The following ENG variants were observed in gnomAD, a reference collection of about 807,000 sequenced individuals.
ENG encodes the protein endoglin.
ENG carries 17 observed loss-of-function variants against 71.0 expected under a neutral mutation model. That is an observed-to-expected ratio of 0.24 (90% CI 0.16 to 0.36). The LOEUF is 0.36. Ranked by LOEUF, ENG falls within the 10% of genes least tolerant of loss-of-function variation. ENG has a pLI of 1.00. For missense variants in ENG, 749 were observed against 868.3 expected (o/e 0.86, Z 1.73); for synonymous variants, 360 against 366.9 (o/e 0.98, Z 0.21).
chr9:127,820,834 A>T, intron 8 of ENG, among the ~76,000 whole-genome samples: 1 of 151,226 alleles, frequency 6.6e-6, no homozygotes, highest in Non-Finnish European at 1.5e-5. Flanking sequence ...GTCTCAAAAA[A>T]AAAAAATATA....
intron 2 of ENG, among the ~76,000 whole-genome samples, chr9:127,835,735 T>TG (rs1346294607): frequency 6.6e-6 from 1 of 151,986 alleles, no homozygotes. Flanking sequence ...AGGACAGGGT[T>TG]GGGAACCAGT....
At chr9:127,840,609 G>A (rs1055632281) in intron 2 of ENG, among the ~76,000 whole-genome samples, 1 of 152,198 alleles carries the variant, frequency 6.6e-6, no homozygotes, top group African/African-American at 2.4e-5. Context: ...GAGCTCCTGA[G>A]TCCGAGAAAG....
rs1361562685 is a variant in ENG at position 127,817,731 on chromosome 9, T to G, written c.1686+389A>C. The G allele has an allele frequency of 1.6e-5, 6 of 385,420 alleles. No individual in the cohort carries two copies. The East Asian group carries it at 3.6e-4, about 23-fold the overall frequency. The allele number at this position is 385,420 out of a possible 1,614,324, so 23.9% of individuals were successfully genotyped here. ...GCAAATACAGAAAGCCAGGAGTGTGTGTCCTTTGTCCGCCTCTCTTCCCTC... is the reference window on the plus strand; with the variant it reads ...GCAAATACAGAAAGCCAGGAGTGTGGGTCCTTTGTCCGCCTCTCTTCCCTC... On this transcript the variant is annotated intron_variant, in intron 12 of 14. Transcript: ENST00000373203.
chr9:127,818,755 G>A lies in ENG; in HGVS notation c.1389C>T (p.Ala463=), dbSNP rs200168633. 6.3e-5 allele frequency: 101 copies of A among 1,613,970 alleles called. No individual in the cohort carries two copies. Among genetic ancestry groups the A allele is most frequent in the Non-Finnish European group, 8.0e-5 (94 of 1,180,018 alleles). The change falls in exon 11 of 15, where the codon GCC becomes GCT. Residue 463 remains alanine (A), a synonymous_variant. Coordinates refer to ENST00000373203, the MANE Select transcript of ENG (RefSeq NM_001114753.3). ...GLYLSPHFLQ[A]SNTIEPGQQS... ...GCTGCCCCGGCTCGATGGTGTTGGA[G>A]GCCTGGAGGAAGTGTGGGCTGAGGT... is the stretch of plus-strand genomic sequence containing the variant.
chr9:127,850,259 T>C (rs1356984971), intron 1 of ENG, among the ~76,000 whole-genome samples: 1 of 152,224 alleles, frequency 6.6e-6, no homozygotes, highest in Non-Finnish European at 1.5e-5. Flanking sequence ...GTCCCAAGCC[T>C]CAATTTTCTC....
In ENG at chr9:127,824,462, G is replaced by T. The variant is rs1830552664; in HGVS notation, c.992-16C>A. 6.2e-7 allele frequency: 1 copy of T among 1,613,338 alleles called. No individual in the cohort carries two copies. Among genetic ancestry groups the T allele is most frequent in the Non-Finnish European group, 8.5e-7 (1 of 1,179,774 alleles). The stretch of plus-strand genomic sequence containing the variant: ...AGCCTACCACCTGTGGGGTAGCAGA[G>T]GCAGGCCAGGCGGCTGGTCACTGTG... On this transcript the variant is annotated splice_polypyrimidine_tract_variant and intron_variant, in intron 7 of 14. Transcript: ENST00000373203.
At chr9:127,834,385 G>A (rs1401119773) in intron 2 of ENG, among the ~76,000 whole-genome samples, 2 of 150,370 alleles carry the variant, frequency 1.3e-5, no homozygotes, top group Admixed American at 6.7e-5. Flanking sequence ...CTACAGGTGT[G>A]CGCCACCATG....
rs1449770420 is a variant in ENG at position 127,815,959 on chromosome 9, G to A, written c.1836C>T (p.Tyr612=). ...IGALLTAALW[Y]IYSHTRSPSK... ...GGTACTCACGCGTGTGCGAGTAGAT[G>A]TACCAGAGTGCAGCAGTGAGCAGGG... Residue 612 remains tyrosine, a synonymous_variant, in exon 14 of 15, where the codon TAC becomes TAT. Transcript: ENST00000373203. The A allele has an allele frequency of 8.1e-6, 13 of 1,602,736 alleles. No homozygotes were observed. Among genetic ancestry groups the A allele is most frequent in the African/African-American group, 8.0e-5 (6 of 74,864 alleles).
At chr9:127,839,563 GTT>G (rs1644431516) in intron 2 of ENG, among the ~76,000 whole-genome samples, 1 of 152,028 alleles carries the variant, frequency 6.6e-6, no homozygotes, top group African/African-American at 2.4e-5. Flanking sequence ...TTTTGTTGTT[GTT>G]TTGTTTTTGA....
At chr9:127,823,127 A>G (rs192212760) in intron 8 of ENG, among the ~76,000 whole-genome samples, 2 of 151,738 alleles carry the variant, frequency 1.3e-5, no homozygotes, top group East Asian at 3.9e-4. Flanking sequence ...GGTGTGAGCC[A>G]CTGTGCCTGG....
intron 3 of ENG, 65 bp from the exon 4 acceptor site, chr9:127,826,737 G>A: frequency 6.9e-6 from 11 of 1,594,840 alleles, no homozygotes; most frequent in Non-Finnish European, 9.4e-6. Flanking sequence ...TCCCATGTAG[G>A]AGGTCAGGAA....
At chr9:127,827,020 A>AG (rs1830634704) in intron 3 of ENG, 1 of 321,444 alleles carries the variant, frequency 3.1e-6, no homozygotes, top group South Asian at 3.1e-5. Flanking sequence ...CTACACTGTG[A>AG]GGGTCTACAG....
intron 12 of ENG, among the ~76,000 whole-genome samples, chr9:127,817,561 G>T (rs1830356514): frequency 6.6e-6 from 1 of 152,164 alleles, no homozygotes. Context: ...ACTTAGGGGA[G>T]TTGAAGGCTT....
intron 1 of ENG, among the ~76,000 whole-genome samples, chr9:127,847,761 C>T (rs1831202362): frequency 6.6e-6 from 1 of 152,160 alleles, no homozygotes; most frequent in Non-Finnish European, 1.5e-5. Flanking sequence ...CCTGCCCCGT[C>T]TTGTTCAGTA....
At chr9:127,825,195 T>A in intron 6 of ENG, 36 bp downstream of exon 6, 2 of 1,612,622 alleles carry the variant, frequency 1.2e-6, no homozygotes, top group Non-Finnish European at 1.7e-6. Context: ...GGTTGGGAGT[T>A]TGGGTTTTGT....
chr9:127,819,565 C>T, intron 10 of ENG, 57 bp downstream of exon 10: 8 of 1,610,380 alleles, frequency 5.0e-6, no homozygotes, highest in Non-Finnish European at 6.8e-6. Flanking sequence ...AGGAAGAGGC[C>T]CCGGCCCAGC....
At chr9:127,842,282 A>T (rs889733799) in intron 2 of ENG, among the ~76,000 whole-genome samples, 1 of 147,376 alleles carries the variant, frequency 6.8e-6, no homozygotes, top group African/African-American at 2.5e-5. Flanking sequence ...GCTGGAGTGC[A>T]GTGGTGCAAT....
At chr9:127,830,946 T>A (rs989221138) in intron 2 of ENG, among the ~76,000 whole-genome samples, 1 of 152,210 alleles carries the variant, frequency 6.6e-6, no homozygotes, top group East Asian at 1.9e-4. Flanking sequence ...TATTTTGATA[T>A]AAGAATGTGA....
Position 127,825,856 on chromosome 9 carries a change from C to A in ENG, c.528G>T (p.Gln176His). ...QSILLRLGQA[Q>H]GSLSFCMLEA... ...CCAGCATGCAGAAGGACAGTGACCC[C>A]TGGGCTGCAGAGACACGCGCACCTC... is the stretch of plus-strand genomic sequence containing the variant. The change falls in exon 5 of 15, where the codon CAG becomes CAT. Residue 176 changes from glutamine (Q) to histidine (H), a missense_variant. Physicochemically the swap from Gln to His is conservative, Grantham distance 24. Transcript: ENST00000373203. 1 of 1,590,762 alleles carries A rather than the reference C, an allele frequency of 6.3e-7. No individual in the cohort carries two copies.
Sources: allele counts gnomAD v4.1 joint callset (sites outside exome capture counted in the v4.1 genomes callset), GRCh38; gene constraint gnomAD v4.1.1; transcripts MANE v1.5; gene names NCBI Gene and HGNC (gene_info 2026-07-23, HGNC 2026-07-21).